ACAD10: variants seen among roughly 807,000 people sequenced by gnomAD.
ACAD10 encodes ACAD-10.
In ACAD10, 112 loss-of-function variants were observed where a neutral mutation model predicts 116.8. The observed-to-expected ratio is 0.96, with a 90% confidence interval of 0.82 to 1.12. ACAD10 has a LOEUF of 1.12. Ranked by LOEUF, ACAD10 falls within the 50% of genes most tolerant of loss-of-function variation. The pLI is 0.00. For missense variants in ACAD10, 1,259 were observed against 1,350.2 expected (o/e 0.93, Z 1.06); for synonymous variants, 486 against 510.6 (o/e 0.95, Z 0.65).
intron 10 of ACAD10, among the ~76,000 whole-genome samples, chr12:111,732,984 C>G (rs1402994016): frequency 6.6e-6 from 1 of 152,232 alleles, no homozygotes; most frequent in African/African-American, 2.4e-5. Flanking sequence ...TGCTAGCATG[C>G]TGGCCCTGGG....
intron 5 of ACAD10, 121 bp from the exon 6 acceptor site, chr12:111,712,377 G>C (rs1888710922): frequency 1.1e-6 from 1 of 914,752 alleles, no homozygotes; most frequent in South Asian, 1.8e-5. Context: ...CTCTGCACCT[G>C]TACTACCATG....
Position 111,709,694 on chromosome 12 carries a change from A to C in ACAD10, c.690+10A>C. 6.2e-7 allele frequency: 1 copy of C among 1,600,356 alleles called. No individual in the cohort carries two copies. ...TATTCACACCATTAAGGTAATAGTC[A>C]CTAATTTTTGAACTCCCTCCCATGC... On this transcript the variant is annotated intron_variant, in intron 5 of 20. Transcript: ENST00000313698.
intron 2 of ACAD10, among the ~76,000 whole-genome samples, chr12:111,696,497 A>T (rs1888194242): frequency 6.6e-6 from 1 of 152,152 alleles, no homozygotes; most frequent in Admixed American, 6.6e-5. Context: ...TAAAAATGAA[A>T]TTTTTTAGAA....
At chr12:111,691,105 T>G (rs1432015638) in intron 1 of ACAD10, 1 of 152,224 alleles carries the variant, frequency 6.6e-6, no homozygotes, top group Non-Finnish European at 1.5e-5. Flanking sequence ...CGTTATACCT[T>G]TCATCTAGAC....
intron 6 of ACAD10, chr12:111,715,558 G>A (rs552004021): frequency 8.3e-5 from 35 of 421,430 alleles, no homozygotes; most frequent in Middle Eastern, 1.4e-3. Flanking sequence ...TTGGACACCT[G>A]CACAAACTGA....
rs1888380172 is a variant in ACAD10 at position 111,702,601 on chromosome 12, C to T, written c.336+291C>T. Among the ~76,000 whole-genome samples, 3 of 152,006 alleles carry T rather than the reference C, an allele frequency of 2.0e-5. No individual in the cohort carries two copies. In the South Asian group the frequency reaches 6.2e-4, roughly 31 times the overall value. On this transcript the variant is annotated intron_variant, in intron 3 of 20. Coordinates refer to ENST00000313698, the MANE Select transcript of ACAD10 (RefSeq NM_025247.6). ...AAAAAATTAGCTGGCTGTGGTGGCG[C>T]ACATCTGTAATCCCAGCTATTTGGG...
intron 2 of ACAD10, among the ~76,000 whole-genome samples, chr12:111,697,345 T>C (rs1888217423): frequency 6.6e-6 from 1 of 151,294 alleles, no homozygotes; most frequent in Admixed American, 6.6e-5. Context: ...TCCATCTTTG[T>C]GGTTTCTTTT....
chr12:111,756,573 C>A lies in ACAD10; in HGVS notation c.*100C>A. ...AGATCCGGTGTTTGTGGCTCCTGCA[C>A]CCTGCTCAGCAGCTCTGTCCCGGGA... On this transcript the variant is annotated 3_prime_UTR_variant, in exon 21 of 21. Coordinates refer to ENST00000313698, the MANE Select transcript of ACAD10 (RefSeq NM_025247.6). 6.6e-7 allele frequency: 1 copy of A among 1,522,766 alleles called. No homozygotes were observed. Among genetic ancestry groups the A allele is most frequent in the Non-Finnish European group, 8.9e-7 (1 of 1,128,878 alleles). The allele number at this position is 1,522,766 out of a possible 1,614,324, so 94.3% of individuals were successfully genotyped here.
At chr12:111,735,023 A>T (rs1388617391) in intron 11 of ACAD10, among the ~76,000 whole-genome samples, 3 of 152,272 alleles carry the variant, frequency 2.0e-5, no homozygotes, top group Admixed American at 2.0e-4. Flanking sequence ...GGAGATCGAG[A>T]CCATCCTGGC....
intron 18 of ACAD10, chr12:111,753,569 G>A (rs776665716): frequency 5.4e-6 from 4 of 739,126 alleles, no homozygotes; most frequent in South Asian, 4.4e-5. Flanking sequence ...ACACGTGAAG[G>A]TTGTGTGTCA....
chr12:111,689,661 G>A (rs1427399050), intron 1 of ACAD10, among the ~76,000 whole-genome samples: 2 of 151,768 alleles, frequency 1.3e-5, no homozygotes, highest in Non-Finnish European at 2.9e-5. Context: ...ACAGGCGTCA[G>A]TTACTGTGCC....
chr12:111,710,783 G>A (rs1188535048), intron 5 of ACAD10, among the ~76,000 whole-genome samples: 3 of 151,958 alleles, frequency 2.0e-5, no homozygotes, highest in African/African-American at 4.8e-5. Context: ...ACGCCCGGCC[G>A]TGAATCTTTT....
Position 111,718,999 on chromosome 12 carries a change from C to T in ACAD10, c.993-2672C>T, listed in dbSNP as rs1009886924. Among the ~76,000 whole-genome samples the T allele has an allele frequency of 3.9e-4, 59 of 151,676 alleles. 1 individual carries two copies. The highest frequency in any genetic ancestry group is 3.4e-3 in the Middle Eastern group (1 of 294). ...GCACACCTATAGTCCCAGCCAATCT[C>T]GAGGCTGAGGCAGGAGAATCTCTTG... On this transcript the variant is annotated intron_variant, in intron 7 of 20. Coordinates refer to ENST00000313698, the MANE Select transcript of ACAD10 (RefSeq NM_025247.6).
Position 111,729,853 on chromosome 12 carries a change from G to A in ACAD10, c.1291G>A (p.Ala431Thr), listed in dbSNP as rs1334526096. The A allele has an allele frequency of 1.2e-6, 2 of 1,614,124 alleles. No homozygotes were observed. The highest frequency in any genetic ancestry group is 2.2e-5 in the South Asian group (2 of 91,082). Residue 431 changes from alanine to threonine, a missense_variant, in exon 10 of 21, where the codon GCT becomes ACT. Coordinates refer to ENST00000313698, the MANE Select transcript of ACAD10 (RefSeq NM_025247.6). ...QVRTWVKQYR[A>T]SETSTIPAME... ...ACGAACCTGGGTTAAGCAGTATCGA[G>A]CTTCCGAAACTAGCACCATCCCAGC...
At position 111,736,923 on chromosome 12, in the gene ACAD10, G is replaced by A; in HGVS notation, c.1633G>A (p.Glu545Lys). ...YCLQMGLPPT[E>K]NWNFYMAFSF... ...TCTCCAAATGGGGCTCCCTCCCACT[G>A]AGAACTGGAACTTCTATATGGCTTT... is the stretch of plus-strand genomic sequence containing the variant. Residue 545 changes from glutamate (E) to lysine (K), a missense_variant, in exon 12 of 21, where the codon GAG becomes AAG. Transcript: ENST00000313698. 1 of 1,614,148 alleles carries A rather than the reference G, an allele frequency of 6.2e-7. No homozygotes were observed. Among genetic ancestry groups the A allele is most frequent in the Non-Finnish European group, 8.5e-7 (1 of 1,180,030 alleles).
chr12:111,715,331 T>G (rs1434965298), intron 6 of ACAD10, among the ~76,000 whole-genome samples: 1 of 152,242 alleles, frequency 6.6e-6, no homozygotes, highest in Admixed American at 6.5e-5. Flanking sequence ...GGAAATTACA[T>G]CTCATGAAAG....
chr12:111,712,732 C>G (rs1888722961), intron 6 of ACAD10, 75 bp downstream of exon 6: 2 of 1,490,788 alleles, frequency 1.3e-6, no homozygotes, highest in Non-Finnish European at 1.8e-6. Context: ...CTTTTCAACC[C>G]TAATGGAATG....
At chr12:111,716,905 G>A (rs1888861225) in intron 7 of ACAD10, among the ~76,000 whole-genome samples, 1 of 152,078 alleles carries the variant, frequency 6.6e-6, no homozygotes, top group African/African-American at 2.4e-5. Flanking sequence ...ACTATAATCT[G>A]TACCATAATC....
chr12:111,698,410 T>C (rs1216904798), intron 2 of ACAD10, among the ~76,000 whole-genome samples: 4 of 151,530 alleles, frequency 2.6e-5, no homozygotes, highest in Non-Finnish European at 4.4e-5. Context: ...GAGCCTTTTT[T>C]TTTTTTTTTA....
Sources: allele counts gnomAD v4.1 joint callset (sites outside exome capture counted in the v4.1 genomes callset), GRCh38; gene constraint gnomAD v4.1.1; transcripts MANE v1.5; gene names NCBI Gene and HGNC (gene_info 2026-07-23, HGNC 2026-07-21).